The following NEB variants were observed in gnomAD, a reference collection of about 807,000 sequenced individuals.
The protein encoded by NEB is nemaline myopathy type 2.
In NEB, 512 loss-of-function variants were observed where a neutral mutation model predicts 952.2. The ratio of observed to expected loss-of-function variants is 0.54; its 90% CI spans 0.50 to 0.58. The LOEUF (loss-of-function observed/expected upper bound fraction) is 0.58. Among genes scored for constraint, NEB ranks in the 20% least tolerant of loss-of-function variants. NEB has a pLI of 0.00. For missense variants in NEB, 8,428 were observed against 9,231.1 expected (o/e 0.91, Z 3.56); for synonymous variants, 2,900 against 3,149.8 (o/e 0.92, Z 2.66).
Position 151,644,064 on chromosome 2 carries a change from A to G in NEB, c.7710T>C (p.Asp2570=), listed in dbSNP as rs922569146. ...GCATGGACCACATCATCTTGGGGTC[A>G]TCTTCAATGTTCCGGGCACCAATGT... ...GHHIGARNIE[D]DPKMMWSMHV... The change falls in exon 57 of 182, where the codon GAT becomes GAC. Residue 2570 remains aspartate (D), a synonymous_variant. Coordinates refer to ENST00000397345, the MANE Select transcript of NEB (RefSeq NM_001164508.2). The G allele has an allele frequency of 6.2e-7, 1 of 1,613,994 alleles. No individual in the cohort carries two copies. The highest frequency in any genetic ancestry group is 1.3e-5 in the African/African-American group (1 of 75,054).
chr2:151,707,557 C>T (rs1011199702), intron 12 of NEB, among the ~76,000 whole-genome samples: 1 of 152,146 alleles, frequency 6.6e-6, no homozygotes, highest in Admixed American at 6.5e-5. Flanking sequence ...CTTGCTTTTC[C>T]TTCTGCTGTT....
chr2:151,518,252 AT>A (rs569359041), intron 156 of NEB, 65 bp downstream of exon 156: 33 of 1,175,408 alleles, frequency 2.8e-5, no homozygotes, highest in East Asian at 7.0e-5. Context: ...AATCTATGAA[AT>A]TTTTTTTCAC....
At chr2:151,714,806 A>G (rs551916944) in intron 10 of NEB, among the ~76,000 whole-genome samples, 15 of 152,214 alleles carry the variant, frequency 9.9e-5, no homozygotes, top group Non-Finnish European at 1.9e-4. Context: ...GAAAGAAGAT[A>G]TGATCCTGCT....
chr2:151,691,272 CCTG>C (rs1384842437), intron 23 of NEB, among the ~76,000 whole-genome samples: 1 of 152,134 alleles, frequency 6.6e-6, no homozygotes, highest in Admixed American at 6.6e-5. Context: ...GCCGTTCTTC[CCTG>C]CTGCTGTTCC....
chr2:151,631,357 GA>G lies in NEB; in HGVS notation c.9415-12del, dbSNP rs1177300418. Reference sequence around the variant, plus strand: ...TGACTTGTAAATATTCTGAGCAGAGGAAAAAAGTCAAAAACTCTTCATCAAG... The same window carrying G: ...TGACTTGTAAATATTCTGAGCAGAGGAAAAAGTCAAAAACTCTTCATCAAG... On this transcript the variant is annotated splice_polypyrimidine_tract_variant and intron_variant, in intron 65 of 181. Transcript: ENST00000397345. The G allele has an allele frequency of 6.2e-7, 1 of 1,602,024 alleles. No homozygotes were observed. Among genetic ancestry groups the G allele is most frequent in the Non-Finnish European group, 8.5e-7 (1 of 1,172,254 alleles).
intron 133 of NEB, among the ~76,000 whole-genome samples, chr2:151,546,725 A>C (rs1420605136): frequency 1.3e-5 from 2 of 151,590 alleles, no homozygotes; most frequent in Non-Finnish European, 2.9e-5. Context: ...TGCCTGGCTA[A>C]TTTTTGTATT....
chr2:151,576,072 C>A, intron 106 of NEB, 79 bp downstream of exon 106: 2 of 1,128,860 alleles, frequency 1.8e-6, no homozygotes, highest in Non-Finnish European at 2.4e-6. Flanking sequence ...TTTTATTATT[C>A]TAAAATAAAT....
In NEB at chr2:151,650,051, T is replaced by C. The variant is rs1387024397; in HGVS notation, c.7431+125A>G. On this transcript the variant is annotated intron_variant, in intron 54 of 181. Transcript: ENST00000397345. ...CTAATTCAAATAAAATGATCCAATA[T>C]AAAATTTTATGTGGTGATGTATGAG... 3.5e-6 allele frequency: 3 copies of C among 869,068 alleles called. No homozygotes were observed. The African/African-American group carries it at 5.1e-5, about 15-fold the overall frequency. 53.8% of individuals were successfully genotyped at this position (869,068 alleles called of 1,614,324 possible).
chr2:151,497,631 T>TAATA lies in NEB; in HGVS notation c.24291_24294dup (p.Ser8099TyrfsTer2), dbSNP rs2061157682. 6.4e-7 allele frequency: 1 copy of TAATA among 1,573,470 alleles called. No homozygotes were observed. The highest frequency in any genetic ancestry group is 8.6e-7 in the Non-Finnish European group (1 of 1,156,866). On this transcript the variant is annotated frameshift_variant, in exon 171 of 182. Transcript: ENST00000397345. LOFTEE classifies it high-confidence loss of function. The stretch of plus-strand genomic sequence containing the variant: ...TTCTTTTCTTGCCAAAGTACCGAGC[T>TAATA]AATATTTTCTTGATTGTGTTTGACT...
At chr2:151,548,201 T>C in intron 131 of NEB, 107 bp downstream of exon 131, 1 of 914,436 alleles carries the variant, frequency 1.1e-6, no homozygotes, top group Non-Finnish European at 1.7e-6. Flanking sequence ...CATTTTTTGC[T>C]GGTATGTAAG....
intron 65 of NEB, among the ~76,000 whole-genome samples, chr2:151,632,414 G>A (rs1461943687): frequency 5.9e-5 from 9 of 151,850 alleles, no homozygotes; most frequent in East Asian, 1.9e-4. Flanking sequence ...TGGGGTCCAC[G>A]CCTGTAATTC....
rs775659620 is a variant in NEB, at chr2:151,666,344, G to A, written c.4777C>T (p.Leu1593Phe). 1.2e-6 allele frequency: 2 copies of A among 1,613,750 alleles called. No homozygotes were observed. Among genetic ancestry groups the A allele is most frequent in the Admixed American group, 1.7e-5 (1 of 59,980 alleles). ...TGAACCAGTTTAGGATCATCCTGAA[G>A]ACTGAGAAATCCAACTTGCTTGCCT... is the stretch of plus-strand genomic sequence containing the variant. ...AKGKQVGFLS[L>F]QDDPKLVHYM... The change falls in exon 41 of 182, where the codon CTT (leucine) becomes TTT (phenylalanine). Residue 1593 changes from leucine to phenylalanine, a missense_variant. Physicochemically the swap from Leu to Phe is conservative, Grantham distance 22 (BLOSUM62 0). Around this residue, in one of 11 missense-constraint regions of NEB, gnomAD observed 2,851 missense variants for 2,791.5 expected, o/e 1.02. Coordinates refer to ENST00000397345, the MANE Select transcript of NEB (RefSeq NM_001164508.2).
chr2:151,643,795 C>T (rs2098918732), intron 57 of NEB, 23 bp downstream of exon 57: 1 of 1,603,890 alleles, frequency 6.2e-7, no homozygotes, highest in Middle Eastern at 1.7e-4. Context: ...GTTTTGTTGG[C>T]CAAAGGAAAA....
intron 81 of NEB, among the ~76,000 whole-genome samples, chr2:151,609,420 T>C (rs2153968044): frequency 6.6e-6 from 1 of 152,164 alleles, no homozygotes; most frequent in South Asian, 2.1e-4. Flanking sequence ...TATATAGTAA[T>C]AAAGCTGAAT....
intron 120 of NEB, 87 bp downstream of exon 120, chr2:151,562,524 C>T (rs2288209): frequency 0.017 from 22,234 of 1,296,346 alleles, 1,090 homozygotes; most frequent in East Asian, 0.14. Flanking sequence ...ACAGGGACAA[C>T]GGGAGCATGG....
Position 151,724,716 on chromosome 2 carries a change from C to T in NEB, c.507+141G>A, listed in dbSNP as rs73967589. ...GCCACTCAGTCATCTGTGCAGCCTC[C>T]TTGATGAATACAGGTATTGAACTCA... is the stretch of plus-strand genomic sequence containing the variant. On this transcript the variant is annotated intron_variant, in intron 7 of 181. Transcript: ENST00000397345. The T allele has an allele frequency of 8.5e-4, 565 of 662,492 alleles. 5 individuals carry two copies. The African/African-American group carries it at 9.3e-3, about 11-fold the overall frequency. The allele number at this position is 662,492 out of a possible 1,614,324, so 41.0% of individuals were successfully genotyped here.
chr2:151,509,904 G>A (rs1007171909), intron 161 of NEB, among the ~76,000 whole-genome samples: 7 of 152,118 alleles, frequency 4.6e-5, no homozygotes, highest in Admixed American at 2.0e-4. Context: ...CACTGCGCCC[G>A]ACCAAGAGTT....
intron 29 of NEB, among the ~76,000 whole-genome samples, chr2:151,681,958 T>C (rs972891707): frequency 1.3e-5 from 2 of 152,150 alleles, no homozygotes; most frequent in East Asian, 3.9e-4. Context: ...ATAATAACAA[T>C]GTGGTGTGTA....
rs1057224357 is a variant in NEB at position 151,680,844 on chromosome 2, A to G, written c.2944-16T>C. The G allele has an allele frequency of 9.0e-6, 14 of 1,560,202 alleles. No homozygotes were observed. In the Admixed American group the frequency reaches 1.7e-4, roughly 19 times the overall value. On this transcript the variant is annotated splice_polypyrimidine_tract_variant and intron_variant, in intron 29 of 181. Transcript: ENST00000397345. ...GATATTTTTTCTGTTTGGCAAATCA[A>G]AAAGAGAAAAACAATCTTGTTTTCC...
Sources: allele counts gnomAD v4.1 joint callset (sites outside exome capture counted in the v4.1 genomes callset), GRCh38; gene constraint gnomAD v4.1.1; regional missense constraint gnomAD v4.1.1; transcripts MANE v1.5; gene names NCBI Gene and HGNC (gene_info 2026-07-23, HGNC 2026-07-21).